The following WWC1 variants were observed in gnomAD, a reference collection of about 807,000 sequenced individuals.
WWC1 encodes the protein protein KIBRA.
A neutral mutation model predicts 138.4 loss-of-function variants in WWC1; 55 were observed. The observed-to-expected ratio is 0.40, with a 90% CI of 0.32 to 0.50. The LOEUF is 0.50. Among genes scored for constraint, WWC1 ranks in the 20% least tolerant of loss-of-function variants. The probability of loss-of-function intolerance (pLI) is 0.72; values close to 1 mark genes in which losing one functional copy is unlikely to be tolerated. For synonymous variants in WWC1, 524 were observed against 564.9 expected, an observed-to-expected ratio of 0.93 and a Z score of 1.03; for missense variants, 1,226 against 1,420.4, an observed-to-expected ratio of 0.86 and a Z score of 2.20.
At chr5:168,372,545 T>C (rs1776842893) in intron 2 of WWC1, among the ~76,000 whole-genome samples, 1 of 152,242 alleles carries the variant, frequency 6.6e-6, no homozygotes, top group Non-Finnish European at 1.5e-5. Context: ...CCGTGTCCTG[T>C]GCTGAGGACT....
chr5:168,347,045 T>A (rs1436215078), intron 1 of WWC1, among the ~76,000 whole-genome samples: 1 of 152,124 alleles, frequency 6.6e-6, no homozygotes, highest in Non-Finnish European at 1.5e-5. Context: ...GGTTCCTGGA[T>A]CATTCTGAGT....
chr5:168,311,657 G>A (rs958796527), intron 1 of WWC1, among the ~76,000 whole-genome samples: 1 of 152,162 alleles, frequency 6.6e-6, no homozygotes, highest in Non-Finnish European at 1.5e-5. Context: ...GATCACCTGA[G>A]GTCAGGAGTT....
chr5:168,469,826 C>A lies in WWC1; in HGVS notation c.*809C>A, dbSNP rs1277172465. 1 of 152,118 alleles carries A rather than the reference C, an allele frequency of 6.6e-6. No homozygotes were observed. Among genetic ancestry groups the A allele is most frequent in the Non-Finnish European group, 1.5e-5 (1 of 68,038 alleles). The allele number at this position is 152,118 out of a possible 1,614,324, so 9.4% of individuals were successfully genotyped here. A position where few individuals can be genotyped will look rare whatever the true frequency, so the allele number is the denominator to read the frequency against. ...TCTGTTTCCCTGATTTTTGACTCTCCCCTTTCCAGTCATTTCTTTCCCACC... is the reference window on the plus strand; with the variant it reads ...TCTGTTTCCCTGATTTTTGACTCTCACCTTTCCAGTCATTTCTTTCCCACC... On this transcript the variant is annotated 3_prime_UTR_variant, in exon 23 of 23. Coordinates refer to ENST00000265293, the MANE Select transcript of WWC1 (RefSeq NM_015238.3).
intron 1 of WWC1, among the ~76,000 whole-genome samples, chr5:168,359,804 C>T (rs1436588778): frequency 2.6e-5 from 4 of 152,140 alleles, no homozygotes; most frequent in Admixed American, 1.3e-4. Context: ...TCCAGTTCTT[C>T]GGAGTAGCTT....
chr5:168,403,350 G>A (rs1384576797), intron 5 of WWC1, among the ~76,000 whole-genome samples: 1 of 152,050 alleles, frequency 6.6e-6, no homozygotes, highest in African/African-American at 2.4e-5. Context: ...GCCCACCTGG[G>A]CCTCCCAAAG....
At chr5:168,403,871 TACAC>T (rs57788100) in intron 5 of WWC1, among the ~76,000 whole-genome samples, 6,035 of 134,320 alleles carry the variant, frequency 0.045, 292 homozygotes, top group African/African-American at 0.12. Context: ...AACACATGCA[TACAC>T]ACACACACAC....
chr5:168,409,313 A>G (rs934813149), intron 7 of WWC1, among the ~76,000 whole-genome samples: 14 of 152,118 alleles, frequency 9.2e-5, no homozygotes, highest in African/African-American at 2.9e-4. Context: ...CTGTCTTCCC[A>G]CTTGTCCAAG....
chr5:168,334,917 C>T (rs7725545), intron 1 of WWC1, among the ~76,000 whole-genome samples: 11,678 of 152,160 alleles, frequency 0.077, 669 homozygotes, highest in South Asian at 0.11. Context: ...ATCCTGGATA[C>T]GGAGAGGGTG....
intron 1 of WWC1, among the ~76,000 whole-genome samples, chr5:168,297,793 T>A (rs1769684038): frequency 6.6e-6 from 1 of 152,194 alleles, no homozygotes; most frequent in Admixed American, 6.5e-5. Context: ...TCATCAATGA[T>A]AATAATTCAC....
intron 5 of WWC1, among the ~76,000 whole-genome samples, 180 bp from the exon 6 acceptor site, chr5:168,406,018 T>C (rs1472403465): frequency 3.9e-5 from 6 of 152,158 alleles, no homozygotes. Context: ...TGAGCCACCA[T>C]GCCCAGCCCG....
chr5:168,357,303 TACACAC>T lies in WWC1; in HGVS notation c.120-14096_120-14091del, dbSNP rs3083619. On this transcript the variant is annotated intron_variant, in intron 1 of 22. Coordinates refer to ENST00000265293, the MANE Select transcript of WWC1 (RefSeq NM_015238.3). ...TGTCTTTTTCTTCCTCTTTCTCTCT[TACACAC>T]ACACACACACACACACACACACACT... 4.1e-4 allele frequency among the ~76,000 whole-genome samples: 60 copies of T among 145,232 alleles called. 1 individual carries two copies. The highest frequency in any genetic ancestry group is 5.8e-4 in the African/African-American group (23 of 39,816).
In WWC1 at chr5:168,430,232, G is replaced by A. The variant is rs779623730; in HGVS notation, c.2087+9G>A. On this transcript the variant is annotated intron_variant, in intron 14 of 22. Coordinates refer to ENST00000265293, the MANE Select transcript of WWC1 (RefSeq NM_015238.3). ...CAACAAGACCAGAAAGTGTGAGTAT[G>A]TAGCTGGACAGGTGTATTTCATACC... 6.8e-6 allele frequency: 11 copies of A among 1,611,138 alleles called. No individual in the cohort carries two copies. Among genetic ancestry groups the A allele is most frequent in the Middle Eastern group, 1.7e-4 (1 of 6,058 alleles).
chr5:168,418,533 CAT>C (rs1364738214), intron 9 of WWC1, among the ~76,000 whole-genome samples: 1 of 152,182 alleles, frequency 6.6e-6, no homozygotes, highest in Non-Finnish European at 1.5e-5. Flanking sequence ...GCATCTCACA[CAT>C]GTGCCATCTA....
intron 1 of WWC1, among the ~76,000 whole-genome samples, chr5:168,332,719 T>C (rs1343030804): frequency 6.6e-6 from 1 of 151,974 alleles, no homozygotes; most frequent in Non-Finnish European, 1.5e-5. Flanking sequence ...TCTTTTTCTT[T>C]TTTTTTTGTG....
intron 1 of WWC1, among the ~76,000 whole-genome samples, chr5:168,335,116 A>C (rs1561623121): frequency 1.3e-5 from 2 of 152,268 alleles, no homozygotes; most frequent in African/African-American, 2.4e-5. Context: ...AGGGCTTTCT[A>C]AGTCCCTCAA....
chr5:168,371,496 C>T lies in WWC1; in HGVS notation c.192C>T (p.Asp64=). The T allele has an allele frequency of 6.2e-7, 1 of 1,614,046 alleles. No homozygotes were observed. Among genetic ancestry groups the T allele is most frequent in the South Asian group, 1.1e-5 (1 of 91,072 alleles). The change falls in exon 2 of 23, where the codon GAC becomes GAT. Residue 64 remains aspartate (D), a synonymous_variant. Coordinates refer to ENST00000265293, the MANE Select transcript of WWC1 (RefSeq NM_015238.3). ...ELPLGWEEAY[D]PQVGDYFIDH... is the part of the protein sequence containing the mutation. The stretch of plus-strand genomic sequence containing the variant: ...CGCTAGGATGGGAAGAGGCATATGA[C>T]CCACAGGTTGGAGATTACTTCATAG...
At chr5:168,413,646 C>G (rs144120407) in intron 8 of WWC1, among the ~76,000 whole-genome samples, 2 of 152,132 alleles carry the variant, frequency 1.3e-5, no homozygotes, top group Non-Finnish European at 2.9e-5. Flanking sequence ...AAGGCCAGAG[C>G]GAGCCAGGAC....
intron 1 of WWC1, among the ~76,000 whole-genome samples, chr5:168,309,110 G>A (rs1435575874): frequency 6.6e-6 from 1 of 152,192 alleles, no homozygotes; most frequent in South Asian, 2.1e-4. Flanking sequence ...ACCTCCTGTA[G>A]CACCTAGCAG....
intron 1 of WWC1, among the ~76,000 whole-genome samples, chr5:168,339,917 CTCTCTCTT>C (rs1207748818): frequency 1.9e-4 from 26 of 135,404 alleles, no homozygotes; most frequent in African/African-American, 6.9e-4. Flanking sequence ...TTCTCTCTCT[CTCTCTCTT>C]TCTCTCTTTC....
Sources: gnomAD v4.1 joint callset for allele counts (sites outside exome capture counted in the v4.1 genomes callset) on GRCh38, gnomAD v4.1.1 for gene constraint, MANE v1.5 for transcripts, NCBI Gene and HGNC (gene_info 2026-07-23, HGNC 2026-07-21) for gene names.